SLC9A9: variants seen among roughly 807,000 people sequenced by gnomAD.
SLC9A9 encodes the protein solute carrier family 9 member A9, also known as sodium/hydrogen exchanger 9.
SLC9A9 carries 62 observed loss-of-function variants against 77.8 expected under a neutral mutation model. The observed-to-expected ratio is 0.80, with a 90% CI of 0.65 to 0.98. SLC9A9 has a LOEUF of 0.98. Among genes scored for constraint, SLC9A9 ranks in the 50% least tolerant of loss-of-function variants. The pLI is 0.00. For missense variants in SLC9A9, 775 were observed against 774.9 expected (o/e 1.00, Z 0.00); for synonymous variants, 320 against 283.5 (o/e 1.13, Z -1.29).
At chr3:143,676,147 C>T (rs1417806358) in intron 5 of SLC9A9, among the ~76,000 whole-genome samples, 7 of 152,090 alleles carry the variant, frequency 4.6e-5, no homozygotes, top group South Asian at 2.1e-4. Flanking sequence ...CTAATGCTGC[C>T]GCTGATCTGA....
At chr3:143,311,561 C>T (rs1382485418) in intron 14 of SLC9A9, among the ~76,000 whole-genome samples, 1 of 152,178 alleles carries the variant, frequency 6.6e-6, no homozygotes, top group Non-Finnish European at 1.5e-5. Flanking sequence ...AGTAACTACA[C>T]TTTTTATCTT....
At chr3:143,473,060 A>G (rs1028597541) in intron 11 of SLC9A9, among the ~76,000 whole-genome samples, 1 of 151,612 alleles carries the variant, frequency 6.6e-6, no homozygotes, top group African/African-American at 2.4e-5. Context: ...ACTTAAAAAT[A>G]TATGTAGTCA....
At chr3:143,676,010 G>A (rs1403542604) in intron 5 of SLC9A9, among the ~76,000 whole-genome samples, 1 of 152,122 alleles carries the variant, frequency 6.6e-6, no homozygotes, top group African/African-American at 2.4e-5. Context: ...GGAGGAGGGC[G>A]AGGTGGGGAT....
intron 4 of SLC9A9, among the ~76,000 whole-genome samples, chr3:143,768,177 G>C (rs2007393718): frequency 6.6e-6 from 1 of 152,034 alleles, no homozygotes; most frequent in Admixed American, 6.6e-5. Context: ...ACACATATCA[G>C]GGGCTCCTCA....
chr3:143,693,580 A>T (rs940421650), intron 4 of SLC9A9, among the ~76,000 whole-genome samples: 1 of 152,196 alleles, frequency 6.6e-6, no homozygotes, highest in Non-Finnish European at 1.5e-5. Context: ...TCTCAAAGAT[A>T]TAAAAAATAA....
chr3:143,659,314 A>C (rs564897628), intron 5 of SLC9A9, among the ~76,000 whole-genome samples: 1 of 152,332 alleles, frequency 6.6e-6, no homozygotes, highest in African/African-American at 2.4e-5. Flanking sequence ...TATCACTGTG[A>C]CCCATGACAT....
At chr3:143,404,689 G>T (rs2033939084) in intron 12 of SLC9A9, among the ~76,000 whole-genome samples, 1 of 151,942 alleles carries the variant, frequency 6.6e-6, no homozygotes, top group Non-Finnish European at 1.5e-5. Flanking sequence ...GGACATTTTA[G>T]GTAATACACT....
chr3:143,497,613 G>A (rs2035856995), intron 9 of SLC9A9, among the ~76,000 whole-genome samples: 1 of 152,168 alleles, frequency 6.6e-6, no homozygotes, highest in Admixed American at 6.5e-5. Flanking sequence ...CCGCCTGAAA[G>A]AGAAGCCAGT....
intron 9 of SLC9A9, among the ~76,000 whole-genome samples, chr3:143,502,631 T>G (rs1450622586): frequency 6.6e-6 from 1 of 152,190 alleles, no homozygotes; most frequent in Non-Finnish European, 1.5e-5. Context: ...CTAATTAAAT[T>G]CACATGAATT....
intron 4 of SLC9A9, among the ~76,000 whole-genome samples, chr3:143,714,971 A>T (rs1934296583): frequency 6.6e-6 from 1 of 152,018 alleles, no homozygotes; most frequent in African/African-American, 2.4e-5. Context: ...GTCTCGTGAG[A>T]TTTGTTGGTT....
chr3:143,603,395 C>T (rs780831876), intron 6 of SLC9A9, among the ~76,000 whole-genome samples: 3 of 152,218 alleles, frequency 2.0e-5, no homozygotes, highest in Non-Finnish European at 2.9e-5. Context: ...GTGTGACCAA[C>T]AGAATTGGCT....
chr3:143,794,363 G>A (rs1433962744), intron 4 of SLC9A9, among the ~76,000 whole-genome samples: 2 of 151,894 alleles, frequency 1.3e-5, no homozygotes, highest in African/African-American at 2.4e-5. Flanking sequence ...GTATTGGACG[G>A]GATTATCAGA....
intron 12 of SLC9A9, among the ~76,000 whole-genome samples, chr3:143,433,610 C>T (rs1322776064): frequency 6.6e-6 from 1 of 152,180 alleles, no homozygotes; most frequent in African/African-American, 2.4e-5. Flanking sequence ...TGGGGGTGTT[C>T]TGTTAACCCT....
intron 3 of SLC9A9, 127 bp from the exon 4 acceptor site, chr3:143,795,204 C>A: frequency 1.7e-6 from 1 of 601,108 alleles, no homozygotes; most frequent in Non-Finnish European, 2.9e-6. Flanking sequence ...TTTGGAGCCT[C>A]GTTCCTGGCC....
chr3:143,583,983 A>G (rs1209685277), intron 6 of SLC9A9, among the ~76,000 whole-genome samples: 1 of 152,238 alleles, frequency 6.6e-6, no homozygotes, highest in Non-Finnish European at 1.5e-5. Context: ...GTAATGAAGA[A>G]GAAGGAGGAG....
intron 4 of SLC9A9, among the ~76,000 whole-genome samples, 197 bp downstream of exon 4, chr3:143,794,804 A>G (rs1193366229): frequency 3.3e-5 from 5 of 152,190 alleles, no homozygotes; most frequent in African/African-American, 1.2e-4. Flanking sequence ...AAGTCCAGCA[A>G]TCCTCTAGTT....
At chr3:143,747,154 C>T (rs1168770455) in intron 4 of SLC9A9, among the ~76,000 whole-genome samples, 1 of 152,022 alleles carries the variant, frequency 6.6e-6, no homozygotes, top group Non-Finnish European at 1.5e-5. Flanking sequence ...GCCTGCAATC[C>T]CAGCACTTTG....
chr3:143,492,407 A>T (rs991293852), intron 11 of SLC9A9, among the ~76,000 whole-genome samples: 3 of 151,970 alleles, frequency 2.0e-5, no homozygotes, highest in Admixed American at 6.6e-5. Flanking sequence ...AGAGGCCTTC[A>T]GTAGGGCAAA....
At chr3:143,719,922 G>A (rs547690417) in intron 4 of SLC9A9, among the ~76,000 whole-genome samples, 1 of 152,078 alleles carries the variant, frequency 6.6e-6, no homozygotes, top group Non-Finnish European at 1.5e-5. Flanking sequence ...GCTTCCTCCT[G>A]GAAAACTGCT....
Sources: allele counts gnomAD v4.1 joint callset (sites outside exome capture counted in the v4.1 genomes callset), GRCh38; gene constraint gnomAD v4.1.1; transcripts MANE v1.5; gene names NCBI Gene and HGNC (gene_info 2026-07-23, HGNC 2026-07-21).